The following ZSWIM5 variants were observed in gnomAD, a reference collection of about 807,000 sequenced individuals.
ZSWIM5 encodes zinc finger SWIM-type containing 5, also known as zinc finger SWIM domain-containing protein 5.
ZSWIM5 carries 55 observed loss-of-function variants against 119.6 expected under a neutral mutation model. The ratio of observed to expected loss-of-function variants is 0.46; its 90% CI spans 0.37 to 0.58. ZSWIM5 has a LOEUF of 0.58. ZSWIM5 is among the 20% of genes least tolerant of loss of function. The pLI, the probability that ZSWIM5 is intolerant of heterozygous loss-of-function variation, is 0.00. For missense variants in ZSWIM5, 1,193 were observed against 1,512.8 expected (o/e 0.79, Z 3.51); for synonymous variants, 537 against 606.9 (o/e 0.88, Z 1.69).
At chr1:45,102,829 A>G (rs564030098) in intron 1 of ZSWIM5, among the ~76,000 whole-genome samples, 2 of 152,178 alleles carry the variant, frequency 1.3e-5, no homozygotes, top group Admixed American at 1.3e-4. Context: ...TATTTTCCAT[A>G]ATGTATGTAT....
chr1:45,159,878 C>T (rs1362274170), intron 1 of ZSWIM5, among the ~76,000 whole-genome samples: 4 of 152,116 alleles, frequency 2.6e-5, no homozygotes, highest in African/African-American at 4.8e-5. Context: ...TGTGAGCCAC[C>T]GTGCCCGGCC....
intron 1 of ZSWIM5, among the ~76,000 whole-genome samples, chr1:45,173,099 A>C (rs887750049): frequency 2.2e-4 from 33 of 152,110 alleles, no homozygotes; most frequent in Non-Finnish European, 2.8e-4. Context: ...CAAGAGTTCA[A>C]GGCTGCAGTA....
At chr1:45,165,719 A>G (rs901475788) in intron 1 of ZSWIM5, among the ~76,000 whole-genome samples, 8 of 152,110 alleles carry the variant, frequency 5.3e-5, no homozygotes, top group African/African-American at 1.9e-4. Context: ...AAATCTAGAA[A>G]AAATGGATAA....
At chr1:45,106,072 A>G (rs1434555539) in intron 1 of ZSWIM5, among the ~76,000 whole-genome samples, 2 of 111,320 alleles carry the variant, frequency 1.8e-5, no homozygotes, top group African/African-American at 7.2e-5. Context: ...GGAGGTGAGG[A>G]GCGCCTCTGC....
chr1:45,086,345 A>T (rs1230966786), intron 2 of ZSWIM5, among the ~76,000 whole-genome samples: 1 of 152,212 alleles, frequency 6.6e-6, no homozygotes, highest in Non-Finnish European at 1.5e-5. Context: ...TCCAAACTGT[A>T]TCAGTTATCA....
chr1:45,026,240 A>T (rs1430327117), intron 11 of ZSWIM5, among the ~76,000 whole-genome samples: 1 of 151,922 alleles, frequency 6.6e-6, no homozygotes, highest in Admixed American at 6.6e-5. Context: ...TTGCTATGTT[A>T]TCCAGGCTGG....
chr1:45,062,525 G>T (rs546501939), intron 2 of ZSWIM5, among the ~76,000 whole-genome samples: 1 of 152,168 alleles, frequency 6.6e-6, no homozygotes, highest in African/African-American at 2.4e-5. Flanking sequence ...GTTTTAGACA[G>T]GGTCTCACTC....
chr1:45,167,290 A>T (rs556305062), intron 1 of ZSWIM5, among the ~76,000 whole-genome samples: 2 of 151,898 alleles, frequency 1.3e-5, no homozygotes, highest in East Asian at 3.9e-4. Context: ...CTGAAACTGG[A>T]TCCCTTCCTT....
At chr1:45,038,562 A>G (rs1644999292) in intron 8 of ZSWIM5, among the ~76,000 whole-genome samples, 1 of 137,882 alleles carries the variant, frequency 7.3e-6, no homozygotes, top group Non-Finnish European at 1.5e-5. Context: ...AAAAGGAGGT[A>G]GAACAGAGTC....
intron 5 of ZSWIM5, among the ~76,000 whole-genome samples, chr1:45,048,673 G>A (rs1645071524): frequency 6.6e-6 from 1 of 151,952 alleles, no homozygotes; most frequent in Non-Finnish European, 1.5e-5. Flanking sequence ...TATGAAGAGG[G>A]TGTAGTTTTT....
chr1:45,023,605 C>G (rs2148987195), intron 11 of ZSWIM5, among the ~76,000 whole-genome samples: 1 of 151,892 alleles, frequency 6.6e-6, no homozygotes, highest in African/African-American at 2.4e-5. Context: ...ATCCGTTCAC[C>G]TTTTGAAGAA....
At chr1:45,127,313 A>C (rs1271063845) in intron 1 of ZSWIM5, among the ~76,000 whole-genome samples, 1 of 152,222 alleles carries the variant, frequency 6.6e-6, no homozygotes, top group Non-Finnish European at 1.5e-5. Flanking sequence ...ATTTGGACAA[A>C]ATTTAATACA....
At chr1:45,059,405 A>G (rs983405900) in intron 3 of ZSWIM5, among the ~76,000 whole-genome samples, 1 of 152,254 alleles carries the variant, frequency 6.6e-6, no homozygotes, top group Non-Finnish European at 1.5e-5. Flanking sequence ...CAATCATAAA[A>G]GACTACATAC....
intron 1 of ZSWIM5, among the ~76,000 whole-genome samples, chr1:45,144,843 T>C (rs1645751248): frequency 6.6e-6 from 1 of 152,174 alleles, no homozygotes; most frequent in South Asian, 2.1e-4. Flanking sequence ...TAAAAACTCT[T>C]GCTCTGACAA....
At chr1:45,189,521 C>T (rs920461573) in intron 1 of ZSWIM5, among the ~76,000 whole-genome samples, 2 of 151,300 alleles carry the variant, frequency 1.3e-5, no homozygotes, top group East Asian at 2.0e-4. Flanking sequence ...TTTGGGAGGC[C>T]GAGGTAGGTG....
intron 1 of ZSWIM5, among the ~76,000 whole-genome samples, chr1:45,189,242 G>C (rs891479878): frequency 1.3e-5 from 2 of 151,576 alleles, no homozygotes; most frequent in Non-Finnish European, 2.9e-5. Flanking sequence ...TTCAACCCGG[G>C]AGGCAGAGGC....
At chr1:45,205,718 G>A in intron 1 of ZSWIM5, 38 bp downstream of exon 1, 1 of 1,498,168 alleles carries the variant, frequency 6.7e-7, no homozygotes, top group South Asian at 1.2e-5. Context: ...CGCGGAAGAG[G>A]AGGCTGAGGA....
At chr1:45,031,681 T>C (rs1644954078) in intron 11 of ZSWIM5, among the ~76,000 whole-genome samples, 1 of 151,480 alleles carries the variant, frequency 6.6e-6, no homozygotes, top group Non-Finnish European at 1.5e-5. Context: ...CTACTAAAAA[T>C]ACAAAAAAAT....
chr1:45,065,217 G>A (rs1016969082), intron 2 of ZSWIM5, among the ~76,000 whole-genome samples: 3 of 152,222 alleles, frequency 2.0e-5, no homozygotes, highest in African/African-American at 7.2e-5. Context: ...GGACTGGGTT[G>A]TTGAGTACCT....
Sources: gnomAD v4.1 joint callset for allele counts (sites outside exome capture counted in the v4.1 genomes callset) on GRCh38, gnomAD v4.1.1 for gene constraint, MANE v1.5 for transcripts, NCBI Gene and HGNC (gene_info 2026-07-23, HGNC 2026-07-21) for gene names.